The following SP100 variants were observed in gnomAD, a reference collection of about 807,000 sequenced individuals.
SP100 encodes the protein nuclear autoantigen Sp-100.
SP100 carries 84 observed loss-of-function variants against 130.0 expected under a neutral mutation model. The observed-to-expected ratio is 0.65, with a 90% CI of 0.54 to 0.77. SP100 has a LOEUF of 0.77. Ranked by LOEUF, SP100 falls within the 30% of genes least tolerant of loss-of-function variation. The pLI is 0.00. For synonymous variants in SP100, 331 were observed against 351.7 expected (o/e 0.94, Z 0.66); for missense variants, 978 against 1,052.2 (o/e 0.93, Z 0.97).
At chr2:230,525,626 G>A (rs760862365) in intron 24 of SP100, among the ~76,000 whole-genome samples, 1 of 152,140 alleles carries the variant, frequency 6.6e-6, no homozygotes, top group Non-Finnish European at 1.5e-5. Context: ...CACCCAGGAA[G>A]CACAAGGGGT....
intron 17 of SP100, among the ~76,000 whole-genome samples, chr2:230,491,217 G>A (rs541127525): frequency 7.9e-5 from 12 of 152,284 alleles, no homozygotes; most frequent in African/African-American, 1.9e-4. Flanking sequence ...CTTTGGGGGC[G>A]GGGTGAAACC....
chr2:230,460,026 A>G (rs2064504143), intron 8 of SP100, among the ~76,000 whole-genome samples: 1 of 152,170 alleles, frequency 6.6e-6, no homozygotes, highest in Admixed American at 6.5e-5. Flanking sequence ...TACTTACTGG[A>G]ATTTGCCAAG....
At chr2:230,416,457 T>G in intron 1 of SP100, 129 bp downstream of exon 1, 1 of 780,620 alleles carries the variant, frequency 1.3e-6, no homozygotes, top group Non-Finnish European at 2.0e-6. Context: ...TGCGATGTTA[T>G]ATAATGAAAT....
intron 17 of SP100, among the ~76,000 whole-genome samples, chr2:230,480,967 T>C (rs1230714673): frequency 6.6e-6 from 1 of 151,500 alleles, no homozygotes; most frequent in Admixed American, 6.6e-5. Context: ...CTGGCTAATA[T>C]AGCTCCTTCC....
At chr2:230,424,721 T>C (rs1421367220) in intron 2 of SP100, among the ~76,000 whole-genome samples, 1 of 149,264 alleles carries the variant, frequency 6.7e-6, no homozygotes, top group African/African-American at 2.5e-5. Context: ...TTCTGGGTAA[T>C]GAGTGGGCAA....
chr2:230,419,478 T>C (rs2062708853), intron 2 of SP100, among the ~76,000 whole-genome samples: 1 of 152,170 alleles, frequency 6.6e-6, no homozygotes, highest in African/African-American at 2.4e-5. Context: ...TAGTCAATAA[T>C]GGCCCCAAAG....
At chr2:230,442,668 A>G (rs2063516877) in intron 2 of SP100, among the ~76,000 whole-genome samples, 1 of 152,192 alleles carries the variant, frequency 6.6e-6, no homozygotes, top group African/African-American at 2.4e-5. Context: ...AATATTCCAT[A>G]TATGGTTAGG....
chr2:230,470,201 C>T lies in SP100; in HGVS notation c.1429+103C>T, dbSNP rs1470468948. 1.1e-5 allele frequency: 16 copies of T among 1,434,914 alleles called. No individual in the cohort carries two copies. The East Asian group carries it at 2.9e-4, about 26-fold the overall frequency. The allele number at this position is 1,434,914 out of a possible 1,614,324, so 88.9% of individuals were successfully genotyped here. A position where few individuals can be genotyped will look rare whatever the true frequency, so the allele number is the denominator to read the frequency against. ...TTTTTATTCTGAGCACCTTCACTACCTTGTATCCAGTTCATCTGGGAACTC... is the reference window on the plus strand; with the variant it reads ...TTTTTATTCTGAGCACCTTCACTACTTTGTATCCAGTTCATCTGGGAACTC... On this transcript the variant is annotated intron_variant, in intron 15 of 28. Coordinates refer to ENST00000340126, the MANE Select transcript of SP100 (RefSeq NM_001080391.2).
intron 24 of SP100, among the ~76,000 whole-genome samples, chr2:230,518,779 C>T (rs528271003): frequency 6.6e-6 from 1 of 152,144 alleles, no homozygotes; most frequent in South Asian, 2.1e-4. Flanking sequence ...AAGAAAGAAT[C>T]TTAAAGTTAA....
Position 230,474,440 on chromosome 2 carries a change from GA to G in SP100, c.1597del (p.Arg533GlufsTer11). On this transcript the variant is annotated frameshift_variant, in exon 17 of 29. Transcript: ENST00000340126. LOFTEE classifies it high-confidence loss of function. ...ATTCTACTTTGGAAAAACACAGTGG[GA>G]AAAGAAGTAAGAACAAATAAGAATT... Reference protein sequence around the residue: ...NNSTLEKHSGKRRKKRRHRSK... With the variant: ...NNSTLEKHSGXRRKKRRHRSK... 5 of 1,456,870 alleles carry G rather than the reference GA, an allele frequency of 3.4e-6. No individual in the cohort carries two copies. Among genetic ancestry groups the G allele is most frequent in the Non-Finnish European group, 4.8e-6 (5 of 1,045,864 alleles). The allele number at this position is 1,456,870 out of a possible 1,614,324, so 90.2% of individuals were successfully genotyped here.
intron 24 of SP100, among the ~76,000 whole-genome samples, chr2:230,535,342 C>T (rs1254391918): frequency 6.6e-6 from 1 of 152,146 alleles, no homozygotes; most frequent in East Asian, 1.9e-4. Flanking sequence ...AAGAAACTAA[C>T]TGAAAAACTG....
chr2:230,492,906 T>C (rs1382711663), intron 17 of SP100, among the ~76,000 whole-genome samples: 1 of 152,242 alleles, frequency 6.6e-6, no homozygotes, highest in Non-Finnish European at 1.5e-5. Flanking sequence ...CCCATGGCAT[T>C]AAATGTTGCT....
At chr2:230,515,990 T>C (rs1575792397) in intron 24 of SP100, 1 of 1,004,280 alleles carries the variant, frequency 1.0e-6, no homozygotes, top group East Asian at 9.8e-5. Flanking sequence ...ACATTTGTTG[T>C]TCTGTTAACT....
chr2:230,480,947 C>T (rs2065802992), intron 17 of SP100, among the ~76,000 whole-genome samples: 1 of 151,734 alleles, frequency 6.6e-6, no homozygotes, highest in Admixed American at 6.6e-5. Flanking sequence ...TGGAACACCC[C>T]AATCTCCTAC....
intron 24 of SP100, among the ~76,000 whole-genome samples, chr2:230,521,336 G>T (rs1008910825): frequency 6.6e-6 from 1 of 152,092 alleles, no homozygotes; most frequent in African/African-American, 2.4e-5. Flanking sequence ...CAACCATCAG[G>T]CCTCTAAGAT....
intron 11 of SP100, 35 bp from the exon 12 acceptor site, chr2:230,466,266 A>C: frequency 7.8e-7 from 1 of 1,285,574 alleles, no homozygotes; most frequent in Non-Finnish European, 1.1e-6. Context: ...AGTCTCTTGC[A>C]TACAAATAAC....
intron 2 of SP100, among the ~76,000 whole-genome samples, chr2:230,420,409 A>G (rs1410750758): frequency 6.6e-6 from 1 of 152,080 alleles, no homozygotes. Flanking sequence ...GCCTTAGCGC[A>G]TTAGCCAGGA....
At chr2:230,505,218 A>G (rs1689988565) in intron 21 of SP100, among the ~76,000 whole-genome samples, 1 of 152,148 alleles carries the variant, frequency 6.6e-6, no homozygotes, top group Non-Finnish European at 1.5e-5. Flanking sequence ...CACTTTCAAA[A>G]TTCATAAAAC....
intron 17 of SP100, among the ~76,000 whole-genome samples, chr2:230,476,381 C>A (rs945875971): frequency 2.6e-5 from 4 of 152,070 alleles, no homozygotes; most frequent in African/African-American, 4.8e-5. Context: ...TTTTATGCAT[C>A]GATTTTGTAT....
Sources: gnomAD v4.1 joint callset for allele counts (sites outside exome capture counted in the v4.1 genomes callset) on GRCh38, gnomAD v4.1.1 for gene constraint, MANE v1.5 for transcripts, NCBI Gene and HGNC (gene_info 2026-07-23, HGNC 2026-07-21) for gene names.